The following UBR1 variants were observed in gnomAD, a reference collection of about 807,000 sequenced individuals.
UBR1 encodes the protein E3 ubiquitin-protein ligase UBR1.
A neutral mutation model predicts 242.1 loss-of-function variants in UBR1; 102 were observed. The observed-to-expected ratio is 0.42, with a 90% CI of 0.36 to 0.50. UBR1 has a LOEUF of 0.50. Among genes scored for constraint, UBR1 ranks in the 20% least tolerant of loss-of-function variants. The pLI is 0.01. For missense variants in UBR1, 1,772 were observed against 2,101.8 expected, an observed-to-expected ratio of 0.84 and a Z score of 3.07; for synonymous variants, 675 against 684.8, an observed-to-expected ratio of 0.99 and a Z score of 0.22.
At chr15:43,064,109 G>A (rs1264943275) in intron 6 of UBR1, among the ~76,000 whole-genome samples, 1 of 152,114 alleles carries the variant, frequency 6.6e-6, no homozygotes, top group Non-Finnish European at 1.5e-5. Context: ...GATTCATCTT[G>A]GTATTTCCTC....
intron 15 of UBR1, among the ~76,000 whole-genome samples, chr15:43,039,115 G>A (rs1446621602): frequency 3.3e-5 from 5 of 151,214 alleles, no homozygotes; most frequent in Non-Finnish European, 7.4e-5. Flanking sequence ...TTATTAAAAA[G>A]GCATTTTTAA....
chr15:42,946,617 TGTATTCTTTCTGA>T (rs1192341564), intron 46 of UBR1, among the ~76,000 whole-genome samples: 2 of 152,124 alleles, frequency 1.3e-5, no homozygotes, highest in African/African-American at 4.8e-5. Flanking sequence ...ATCTAATAAG[TGTATTCTTTCTGA>T]GCAATATTTC....
chr15:43,045,596 T>A (rs1480513244), intron 14 of UBR1, among the ~76,000 whole-genome samples: 1 of 152,038 alleles, frequency 6.6e-6, no homozygotes, highest in African/African-American at 2.4e-5. Context: ...AACTAAGTGG[T>A]AGAAATACAA....
At chr15:43,007,849 T>C (rs1358731524) in intron 29 of UBR1, among the ~76,000 whole-genome samples, 2 of 152,202 alleles carry the variant, frequency 1.3e-5, no homozygotes, top group African/African-American at 4.8e-5. Flanking sequence ...GTATGTGCCA[T>C]AATAGTTTTT....
rs955425996 is a variant in UBR1, at chr15:43,054,752, A to G, written c.1429T>C (p.Cys477Arg). The G allele has an allele frequency of 1.5e-5, 24 of 1,614,032 alleles. No homozygotes were observed. Among genetic ancestry groups the G allele is most frequent in the Non-Finnish European group, 2.0e-5 (24 of 1,180,022 alleles). The stretch of plus-strand genomic sequence containing the variant: ...ACTTGAACAACTTACTTTAGGTCAC[A>G]TATTACTGCATATACTCTTCCCAAT... ...DKLGRVYAVI[C>R]DLKYILISKP... Residue 477 changes from cysteine (C) to arginine (R), a missense_variant, in exon 12 of 47, where the codon TGT becomes CGT. By Grantham distance (180) the Cys-to-Arg change is radical. Transcript: ENST00000290650.
chr15:43,087,404 C>CA (rs1055628929), intron 1 of UBR1, among the ~76,000 whole-genome samples: 57 of 142,344 alleles, frequency 4.0e-4, no homozygotes, highest in South Asian at 1.1e-3. Flanking sequence ...GACTCCAACT[C>CA]AAAAAAAAAA....
Position 43,059,935 on chromosome 15 carries a change from T to C in UBR1, c.862-110A>G, listed in dbSNP as rs1019984373. 7.8e-6 allele frequency: 12 copies of C among 1,541,278 alleles called. No individual in the cohort carries two copies. The Admixed American group carries it at 1.0e-4, about 13-fold the overall frequency. ...CATAACCCTGCCAGTTCCAAATCTC[T>C]GCATCTAGGTGCCCCAAACCACTTC... On this transcript the variant is annotated intron_variant, in intron 7 of 46. Coordinates refer to ENST00000290650, the MANE Select transcript of UBR1 (RefSeq NM_174916.3).
At chr15:43,032,777 T>G in intron 19 of UBR1, 146 bp from the exon 20 acceptor site, 1 of 541,466 alleles carries the variant, frequency 1.8e-6, no homozygotes, top group Non-Finnish European at 3.3e-6. Flanking sequence ...ACAGCACAAA[T>G]AGTTACAATA....
intron 30 of UBR1, among the ~76,000 whole-genome samples, chr15:43,006,320 G>A (rs1472199898): frequency 6.6e-6 from 1 of 152,162 alleles, no homozygotes; most frequent in Non-Finnish European, 1.5e-5. Flanking sequence ...GCCTGGCAAT[G>A]TTAAGTTTTC....
chr15:42,986,450 G>T, intron 35 of UBR1, among the ~76,000 whole-genome samples: 1 of 152,072 alleles, frequency 6.6e-6, no homozygotes, highest in Non-Finnish European at 1.5e-5. Flanking sequence ...CCTTTTTAAT[G>T]TTCAAGGTCT....
chr15:42,973,175 T>C (rs1344273522), intron 39 of UBR1, among the ~76,000 whole-genome samples: 1 of 152,226 alleles, frequency 6.6e-6, no homozygotes, highest in African/African-American at 2.4e-5. Flanking sequence ...GCCCACTTTA[T>C]TTTTTAGAGA....
chr15:42,952,511 T>C, intron 44 of UBR1, 63 bp from the exon 45 acceptor site: 2 of 1,556,002 alleles, frequency 1.3e-6, no homozygotes, highest in Non-Finnish European at 1.8e-6. Context: ...ATAAGTACCA[T>C]ATATCCTGTT....
At chr15:43,016,344 C>T (rs2033023310) in intron 28 of UBR1, among the ~76,000 whole-genome samples, 1 of 152,026 alleles carries the variant, frequency 6.6e-6, no homozygotes, top group African/African-American at 2.4e-5. Context: ...GTGTGTTTTA[C>T]TGAACATGTA....
chr15:43,054,382 G>A (rs117174250), intron 12 of UBR1, among the ~76,000 whole-genome samples: 2,542 of 152,124 alleles, frequency 0.017, 38 homozygotes, highest in Non-Finnish European at 0.025. Context: ...TATGTCAATA[G>A]ATTGTCTGAA....
intron 44 of UBR1, 85 bp downstream of exon 44, chr15:42,957,928 G>T: frequency 8.7e-7 from 1 of 1,148,354 alleles, no homozygotes; most frequent in South Asian, 1.3e-5. Context: ...CAAAAACAAG[G>T]AAGTGTGTTA....
At chr15:42,955,562 T>C (rs535908521) in intron 44 of UBR1, among the ~76,000 whole-genome samples, 4 of 152,244 alleles carry the variant, frequency 2.6e-5, no homozygotes, top group African/African-American at 9.6e-5. Context: ...GTCATCATTA[T>C]CAATGTGGTT....
intron 34 of UBR1, 91 bp downstream of exon 34, chr15:42,989,939 A>G: frequency 1.1e-6 from 1 of 934,654 alleles, no homozygotes; most frequent in Non-Finnish European, 1.6e-6. Flanking sequence ...TTTTACAAAT[A>G]AAAAAGTAAG....
intron 33 of UBR1, among the ~76,000 whole-genome samples, chr15:42,992,612 C>G (rs933391595): frequency 3.9e-5 from 6 of 152,294 alleles, no homozygotes; most frequent in South Asian, 2.1e-4. Context: ...TTGGCTATGC[C>G]TCTTTGAGCC....
chr15:42,946,316 C>A (rs1271939580), intron 46 of UBR1, among the ~76,000 whole-genome samples: 1 of 152,050 alleles, frequency 6.6e-6, no homozygotes, highest in Admixed American at 6.6e-5. Flanking sequence ...TTAGTAGAGA[C>A]GGGGTTTCAC....
Sources: allele counts gnomAD v4.1 joint callset (sites outside exome capture counted in the v4.1 genomes callset), GRCh38; gene constraint gnomAD v4.1.1; transcripts MANE v1.5; gene names NCBI Gene and HGNC (gene_info 2026-07-23, HGNC 2026-07-21).